Variants in FMN2 observed in about 807,000 individuals in gnomAD.
The protein encoded by FMN2 is formin 2.
In FMN2, 51 loss-of-function variants were observed where a neutral mutation model predicts 142.3. The observed-to-expected ratio is 0.36, with a 90% confidence interval of 0.29 to 0.45. The LOEUF (loss-of-function observed/expected upper bound fraction) is 0.45. Among genes scored for constraint, FMN2 ranks in the 20% least tolerant of loss-of-function variants. FMN2 has a pLI of 1.00. For synonymous variants in FMN2, 882 were observed against 869.8 expected (o/e 1.01, Z -0.25); for missense variants, 1,936 against 2,122.8 (o/e 0.91, Z 1.73).
At chr1:240,265,217 T>C (rs2356223) in intron 7 of FMN2, among the ~76,000 whole-genome samples, 60,231 of 152,054 alleles carry the variant, frequency 0.4, 12,333 homozygotes, top group East Asian at 0.55. Context: ...ATGTGTCATA[T>C]AATACAAATT....
chr1:240,170,071 T>TGAGAGTAG (rs1402034697), intron 2 of FMN2: 26 of 586,964 alleles, frequency 4.4e-5, no homozygotes, highest in Non-Finnish European at 7.3e-5. Context: ...GATAAGCCAA[T>TGAGAGTAG]CATGGAATGA....
chr1:240,422,182 A>T (rs1233379838), intron 15 of FMN2, among the ~76,000 whole-genome samples: 1 of 152,230 alleles, frequency 6.6e-6, no homozygotes, highest in Non-Finnish European at 1.5e-5. Flanking sequence ...GAAGTCAGAT[A>T]GTATCAGTCC....
In FMN2 at chr1:240,298,152, G is replaced by A. The variant is rs558761960; in HGVS notation, c.4215+3269G>A. Among the ~76,000 whole-genome samples, 59 of 152,242 alleles carry A rather than the reference G, an allele frequency of 3.9e-4. No homozygotes were observed. The South Asian group carries it at 0.012, about 31-fold the overall frequency. On this transcript the variant is annotated intron_variant, in intron 8 of 17. Transcript: ENST00000319653. ...CTTAATTACAATTTTTATTGCTGCT[G>A]TTCTCAAACTTTAAGGTTCAGACTT...
chr1:240,166,182 C>T (rs1202867673), intron 2 of FMN2, among the ~76,000 whole-genome samples: 10 of 149,446 alleles, frequency 6.7e-5, no homozygotes, highest in Admixed American at 6.7e-4. Flanking sequence ...TAAACGTTAC[C>T]TCATTATATA....
At chr1:240,326,365 G>C (rs1671170389) in intron 8 of FMN2, among the ~76,000 whole-genome samples, 1 of 152,162 alleles carries the variant, frequency 6.6e-6, no homozygotes, top group South Asian at 2.1e-4. Context: ...AAGGTATAAA[G>C]GACTGTGCAA....
At chr1:240,223,413 G>A (rs914008138) in intron 6 of FMN2, among the ~76,000 whole-genome samples, 3 of 152,124 alleles carry the variant, frequency 2.0e-5, no homozygotes, top group South Asian at 2.1e-4. Context: ...TTTTCGCATC[G>A]ATGTTCATTA....
At position 240,148,249 on chromosome 1, in the gene FMN2, CAG is replaced by C. The variant is rs1300261548; in HGVS notation, c.1782+24908_1782+24909del. On this transcript the variant is annotated intron_variant, in intron 2 of 17. Coordinates refer to ENST00000319653, the MANE Select transcript of FMN2 (RefSeq NM_020066.5). ...AGAGACAGAGACCGAGAGAGACAAA[CAG>C]AGATAGACAGAGAGACAGAGATAGA... Among the ~76,000 whole-genome samples the C allele has an allele frequency of 2.0e-4, 29 of 146,120 alleles. 1 individual carries two copies. Among genetic ancestry groups the C allele is most frequent in the African/African-American group, 1.5e-4 (6 of 39,222 alleles).
chr1:240,272,579 G>A (rs1386561356), intron 7 of FMN2, among the ~76,000 whole-genome samples: 1 of 152,186 alleles, frequency 6.6e-6, no homozygotes, highest in Non-Finnish European at 1.5e-5. Context: ...CCAGTTGGAT[G>A]AAGTGAGGAT....
chr1:240,375,940 G>T (rs1464196518), intron 14 of FMN2, among the ~76,000 whole-genome samples: 1 of 151,970 alleles, frequency 6.6e-6, no homozygotes, highest in Non-Finnish European at 1.5e-5. Context: ...GGGGAATTTT[G>T]TCTTTCTTTC....
intron 15 of FMN2, among the ~76,000 whole-genome samples, chr1:240,436,690 A>AAAAC (rs56058196): frequency 3.9e-4 from 58 of 150,200 alleles, no homozygotes; most frequent in African/African-American, 1.4e-3. Flanking sequence ...AAAAAAAAAA[A>AAAAC]CTCAATATTT....
intron 8 of FMN2, among the ~76,000 whole-genome samples, chr1:240,310,824 C>T (rs1043397273): frequency 1.3e-5 from 2 of 152,130 alleles, no homozygotes; most frequent in African/African-American, 4.8e-5. Flanking sequence ...TGTTGAATGA[C>T]TAACTTCAAT....
chr1:240,272,106 T>A (rs1558404809), intron 7 of FMN2, among the ~76,000 whole-genome samples: 1 of 152,146 alleles, frequency 6.6e-6, no homozygotes, highest in Non-Finnish European at 1.5e-5. Flanking sequence ...ATTTGTTTGT[T>A]TGTTTTGGCC....
At chr1:240,133,951 C>A (rs569439826) in intron 2 of FMN2, among the ~76,000 whole-genome samples, 1 of 152,284 alleles carries the variant, frequency 6.6e-6, no homozygotes, top group South Asian at 2.1e-4. Flanking sequence ...GGTCTCTAGT[C>A]CTAGACTGGA....
intron 7 of FMN2, among the ~76,000 whole-genome samples, chr1:240,268,314 G>A (rs1159162020): frequency 6.6e-6 from 1 of 152,030 alleles, no homozygotes. Context: ...ATACTGGGCT[G>A]TACCCATTTC....
rs187359540 is a variant in FMN2 at position 240,225,932 on chromosome 1, G to A, written c.4065+14697G>A. On this transcript the variant is annotated intron_variant, in intron 6 of 17. Transcript: ENST00000319653. ...GGAAAAAATTACTAGATGATTTAACGATCGATTAGTGGTGACAGAAGAAAA... is the reference window on the plus strand; with the variant it reads ...GGAAAAAATTACTAGATGATTTAACAATCGATTAGTGGTGACAGAAGAAAA... Among the ~76,000 whole-genome samples the A allele has an allele frequency of 1.8e-3, 273 of 152,174 alleles. 2 individuals are homozygous for A. The highest frequency in any genetic ancestry group is 6.1e-3 in the African/African-American group (254 of 41,526).
chr1:240,422,951 G>A (rs1029446213), intron 15 of FMN2, among the ~76,000 whole-genome samples: 5 of 152,074 alleles, frequency 3.3e-5, no homozygotes, highest in African/African-American at 1.2e-4. Flanking sequence ...TTGTTCTTGG[G>A]TTGAATTACC....
At chr1:240,448,453 A>G (rs77463994) in intron 16 of FMN2, among the ~76,000 whole-genome samples, 3,476 of 152,328 alleles carry the variant, frequency 0.023, 146 homozygotes, top group African/African-American at 0.079. Context: ...CCATGGGAAG[A>G]GTCCTATTAT....
At chr1:240,230,086 TG>T (rs1432683118) in intron 6 of FMN2, among the ~76,000 whole-genome samples, 1 of 130,994 alleles carries the variant, frequency 7.6e-6, no homozygotes, top group Admixed American at 7.3e-5. Context: ...GAGGCTGAGG[TG>T]GCAGGATCAC....
rs1242517198 is a variant in FMN2, at chr1:240,125,747, C to T, written c.1782+2402C>T. Among the ~76,000 whole-genome samples the T allele has an allele frequency of 2.6e-5, 4 of 152,100 alleles. No homozygotes were observed. The South Asian group carries it at 8.3e-4, about 32-fold the overall frequency. ...CTCTCTCTTTTTTAAAATCAACTAA[C>T]CTGGTTGTTTCTTATACTCACCTCA... On this transcript the variant is annotated intron_variant, in intron 2 of 17. Transcript: ENST00000319653.
Sources: gnomAD v4.1 joint callset for allele counts (sites outside exome capture counted in the v4.1 genomes callset) on GRCh38, gnomAD v4.1.1 for gene constraint, MANE v1.5 for transcripts, NCBI Gene and HGNC (gene_info 2026-07-23, HGNC 2026-07-21) for gene names.